Variants in ERI3 observed in about 807,000 individuals in gnomAD.
ERI3 encodes ERI1 exoribonuclease family member 3.
In ERI3, 18 loss-of-function variants were observed where a neutral mutation model predicts 44.4. The observed-to-expected ratio is 0.41, with a 90% CI of 0.28 to 0.60. The LOEUF (loss-of-function observed/expected upper bound fraction) is 0.60. ERI3 is among the 20% of genes least tolerant of loss of function. ERI3 has a pLI of 0.36. For missense variants in ERI3, 294 were observed against 435.5 expected (o/e 0.68, Z 2.89); for synonymous variants, 183 against 164.8 (o/e 1.11, Z -0.84).
In ERI3 at chr1:44,221,680, T is replaced by C. The variant is rs1208344815; in HGVS notation, c.932-40A>G. 5 of 1,531,682 alleles carry C rather than the reference T, an allele frequency of 3.3e-6. No homozygotes were observed. Among genetic ancestry groups the C allele is most frequent in the Non-Finnish European group, 4.5e-6 (5 of 1,105,516 alleles). The allele number at this position is 1,531,682 out of a possible 1,614,324, so 94.9% of individuals were successfully genotyped here. A position where few individuals can be genotyped will look rare whatever the true frequency, so the allele number is the denominator to read the frequency against. On this transcript the variant is annotated intron_variant, in intron 8 of 8. Coordinates refer to ENST00000372257, the MANE Select transcript of ERI3 (RefSeq NM_024066.3). This position sits in a 1 kb window ranked among gnomAD's most constrained non-coding sequence, Gnocchi z 5.9. ...AGACATTTAGATCAGCCCCAGATCC[T>C]TCCCCTCCATGCCCACAGGTGCTCT...
chr1:44,355,251 C>T lies in ERI3; in HGVS notation c.-225G>A, dbSNP rs1299789020. ...GCCAGCACCACGAGTCCACAACACA[C>T]CGACTCACCTCCGCGCACTCTGACC... On this transcript the variant is annotated 5_prime_UTR_variant, in exon 1 of 9. The change creates a new upstream start codon in the 5' untranslated region. Transcript: ENST00000372257. 6.0e-6 allele frequency: 7 copies of T among 1,167,504 alleles called. No homozygotes were observed. In the East Asian group the frequency reaches 1.2e-4, roughly 19 times the overall value. 72.3% of individuals were successfully genotyped at this position (1,167,504 alleles called of 1,614,324 possible).
chr1:44,266,813 CT>C (rs1215360572), intron 7 of ERI3, among the ~76,000 whole-genome samples: 1 of 152,242 alleles, frequency 6.6e-6, no homozygotes, highest in Admixed American at 6.5e-5. Flanking sequence ...GGGTCCCCGT[CT>C]GATCTCTGAT....
Position 44,235,106 on chromosome 1 carries a change from T to C in ERI3, c.931+12833A>G, listed in dbSNP as rs1644274136. On this transcript the variant is annotated intron_variant, in intron 8 of 8. Coordinates refer to ENST00000372257, the MANE Select transcript of ERI3 (RefSeq NM_024066.3). The surrounding 1 kb of genome is among the most constrained non-coding windows in gnomAD (Gnocchi z 4.6). ...CCACCACCACCAGCACCACTTCCAG[T>C]GGCTCCTCACTGCTCTCAGGACTGC... Among the ~76,000 whole-genome samples, 1 of 152,200 alleles carries C rather than the reference T, an allele frequency of 6.6e-6. No homozygotes were observed. The highest frequency in any genetic ancestry group is 6.5e-5 in the Admixed American group (1 of 15,284).
chr1:44,247,973 G>A lies in ERI3; in HGVS notation c.897C>T (p.Ser299=), dbSNP rs768178509. The change falls in exon 8 of 9, where the codon AGC becomes AGT. Residue 299 remains serine, a synonymous_variant. Coordinates refer to ENST00000372257, the MANE Select transcript of ERI3 (RefSeq NM_024066.3). ...TGTGGGGCCGGCCTATGTGTTGCAG[G>A]CTGAGGCCCTTGTTCATGTCTAGAA... ...NGLLDMNKGL[S]LQHIGRPHSG... The A allele has an allele frequency of 8.1e-6, 13 of 1,612,790 alleles. No homozygotes were observed. The East Asian group carries it at 1.1e-4, about 14-fold the overall frequency.
At chr1:44,352,949 C>T in intron 1 of ERI3, 24 bp from the exon 2 acceptor site, 1 of 1,613,782 alleles carries the variant, frequency 6.2e-7, no homozygotes, top group Non-Finnish European at 8.5e-7. Flanking sequence ...CACATCTCTG[C>T]AACAAGTCTA....
intron 5 of ERI3, among the ~76,000 whole-genome samples, chr1:44,312,515 C>G (rs1036347762): frequency 6.6e-6 from 1 of 152,054 alleles, no homozygotes. Context: ...TCTAGCTCCC[C>G]GAGGAGAACA....
At chr1:44,275,093 C>T (rs928605468) in intron 7 of ERI3, among the ~76,000 whole-genome samples, 11 of 152,126 alleles carry the variant, frequency 7.2e-5, no homozygotes, top group African/African-American at 2.7e-4. Context: ...TCCCCCTCTC[C>T]AAAATAAAAC....
chr1:44,339,454 ATGGGCCACTCCCCAGTGTTTC>A, intron 2 of ERI3, 132 bp from the exon 3 acceptor site: 2 of 921,400 alleles, frequency 2.2e-6, no homozygotes, highest in Non-Finnish European at 3.0e-6. Flanking sequence ...TCCACGCAAC[ATGGGCCACTCCCCAGTGTTTC>A]TGGGCCCCTT....
chr1:44,330,118 T>C (rs1346171965), intron 3 of ERI3, among the ~76,000 whole-genome samples: 1 of 152,224 alleles, frequency 6.6e-6, no homozygotes, highest in Admixed American at 6.5e-5. Flanking sequence ...GGACTCTGGC[T>C]TATAACATCT....
At chr1:44,337,661 C>G (rs1233216005) in intron 3 of ERI3, among the ~76,000 whole-genome samples, 1 of 152,172 alleles carries the variant, frequency 6.6e-6, no homozygotes, top group Non-Finnish European at 1.5e-5. Context: ...CAGACCAATG[C>G]ATTAAGGGAG....
intron 5 of ERI3, among the ~76,000 whole-genome samples, chr1:44,310,105 G>A (rs1208863285): frequency 5.3e-5 from 8 of 152,160 alleles, no homozygotes; most frequent in Admixed American, 5.2e-4. Flanking sequence ...CCACAAAACA[G>A]GTAATAGGCT....
chr1:44,273,893 A>G (rs1024459684), intron 7 of ERI3, among the ~76,000 whole-genome samples: 2 of 152,220 alleles, frequency 1.3e-5, no homozygotes, highest in Middle Eastern at 3.2e-3. Context: ...AACAAGTTTG[A>G]TATGGCTGGA....
intron 8 of ERI3, among the ~76,000 whole-genome samples, chr1:44,236,769 G>A (rs1172165727): frequency 6.6e-6 from 1 of 152,044 alleles, no homozygotes; most frequent in Non-Finnish European, 1.5e-5. Flanking sequence ...AGCTGACAAG[G>A]CTCAGAGTGG....
rs1644088790 is a variant in ERI3, at chr1:44,228,096, C to T, written c.932-6456G>A. Among the ~76,000 whole-genome samples the T allele has an allele frequency of 6.6e-6, 1 of 152,024 alleles. No homozygotes were observed. The highest frequency in any genetic ancestry group is 2.4e-5 in the African/African-American group (1 of 41,358). ...AGTCCCCTGCGCCCCCATTCACGGC[C>T]ACCTTGGCCCACCCGACCCACTTCC... On this transcript the variant is annotated intron_variant, in intron 8 of 8. Transcript: ENST00000372257. The surrounding 1 kb of genome is among the most constrained non-coding windows in gnomAD (Gnocchi z 4.3).
chr1:44,258,293 G>A (rs892322114), intron 7 of ERI3, among the ~76,000 whole-genome samples: 3 of 152,198 alleles, frequency 2.0e-5, no homozygotes, highest in Admixed American at 2.0e-4. Flanking sequence ...AGTTTCTAAA[G>A]TGCTTTCCAA....
At chr1:44,254,138 C>T (rs1272424930) in intron 7 of ERI3, among the ~76,000 whole-genome samples, 6 of 152,216 alleles carry the variant, frequency 3.9e-5, no homozygotes, top group African/African-American at 1.4e-4. Context: ...AAATCATCAT[C>T]ACTCTGGGTA....
rs1644690457 is a variant in ERI3, at chr1:44,252,009, T to C, written c.832-3971A>G. ...CCTGTTTCCCAAAGCTGCTTCCAAA[T>C]CCTCTGGGTGCCACTTCTTTGGCTG... On this transcript the variant is annotated intron_variant, in intron 7 of 8. Transcript: ENST00000372257. The surrounding 1 kb of genome is among the most constrained non-coding windows in gnomAD (Gnocchi z 4.7). Among the ~76,000 whole-genome samples the C allele has an allele frequency of 1.3e-5, 2 of 152,176 alleles. 1 individual carries two copies. The highest frequency in any genetic ancestry group is 4.1e-4 in the South Asian group (2 of 4,824).
At chr1:44,233,386 C>T (rs1644230771) in intron 8 of ERI3, among the ~76,000 whole-genome samples, 1 of 152,052 alleles carries the variant, frequency 6.6e-6, no homozygotes, top group South Asian at 2.1e-4. Flanking sequence ...CAAGAGAGGG[C>T]CAAGCCTGAT....
intron 2 of ERI3, among the ~76,000 whole-genome samples, chr1:44,344,884 G>C (rs1168264223): frequency 6.6e-6 from 1 of 152,180 alleles, no homozygotes; most frequent in Non-Finnish European, 1.5e-5. Flanking sequence ...GTCCCCAGTG[G>C]GGACAGGGGA....
Sources: gnomAD v4.1 joint callset for allele counts (sites outside exome capture counted in the v4.1 genomes callset) on GRCh38, gnomAD v4.1.1 for gene constraint, Gnocchi (gnomAD v3.1) non-coding constraint, MANE v1.5 for transcripts, NCBI Gene and HGNC (gene_info 2026-07-23, HGNC 2026-07-21) for gene names.